The following COL28A1 variants were observed in gnomAD, a reference collection of about 807,000 sequenced individuals.
COL28A1 encodes the protein collagen alpha-1(XXVIII) chain.
In COL28A1, 161 loss-of-function variants were observed where a neutral mutation model predicts 150.2. The observed-to-expected ratio is 1.07, with a 90% confidence interval of 0.94 to 1.22. The LOEUF (loss-of-function observed/expected upper bound fraction) is 1.22, where lower values mean the gene tolerates loss of function less well. COL28A1 is among the 50% of genes most tolerant of loss of function. The probability of loss-of-function intolerance (pLI) is 0.00; values close to 1 mark genes in which losing one functional copy is unlikely to be tolerated. For missense variants in COL28A1, 1,617 were observed against 1,388.3 expected (o/e 1.16, Z -2.62); for synonymous variants, 552 against 469.7 (o/e 1.18, Z -2.26).
chr7:7,447,427 TTAA>T (rs1213914334), intron 18 of COL28A1, among the ~76,000 whole-genome samples: 9 of 151,094 alleles, frequency 6.0e-5, no homozygotes, highest in Admixed American at 2.0e-4. Context: ...AATATTAATA[TTAA>T]TAATAATATT....
Position 7,391,586 on chromosome 7 carries a change from C to G in COL28A1, c.2137-9974G>C, listed in dbSNP as rs185099174. Among the ~76,000 whole-genome samples the G allele has an allele frequency of 3.5e-3, 526 of 152,232 alleles. 3 individuals carry two copies. Among genetic ancestry groups the G allele is most frequent in the Admixed American group, 8.4e-3 (128 of 15,284 alleles). ...AATATTGACAGTGCTGTGTAAAAGT[C>G]TCCCACTATTATTGTGTGGGAATCT... On this transcript the variant is annotated intron_variant, in intron 27 of 34. Coordinates refer to ENST00000399429, the MANE Select transcript of COL28A1 (RefSeq NM_001037763.3).
At chr7:7,522,075 G>C (rs1471877397) in intron 4 of COL28A1, 114 bp from the exon 5 acceptor site, 5 of 731,968 alleles carry the variant, frequency 6.8e-6, no homozygotes, top group African/African-American at 5.2e-5. Flanking sequence ...ATTTCAAATA[G>C]CATTTCAAAT....
At chr7:7,402,373 T>G (rs190597122) in intron 27 of COL28A1, among the ~76,000 whole-genome samples, 1 of 152,240 alleles carries the variant, frequency 6.6e-6, no homozygotes, top group Non-Finnish European at 1.5e-5. Context: ...GTGTGTGGTA[T>G]ATGGATTCAA....
chr7:7,358,736 T>C lies in COL28A1; in HGVS notation c.3275A>G (p.Lys1092Arg). Residue 1092 changes from lysine (K) to arginine (R), a missense_variant, in exon 35 of 35, where the codon AAA (lysine) becomes AGA (arginine). Coordinates refer to ENST00000399429, the MANE Select transcript of COL28A1 (RefSeq NM_001037763.3). ...AAATCGGGCACAAGAGTTGACCTGT[T>C]TGTCATAATACCATCGAACCACATA... ...GEYVVRWYYD[K>R]QVNSCARFWF... 6.2e-7 allele frequency: 1 copy of C among 1,613,996 alleles called. No individual in the cohort carries two copies. Among genetic ancestry groups the C allele is most frequent in the African/African-American group, 1.3e-5 (1 of 75,002 alleles).
At position 7,442,444 on chromosome 7, in the gene COL28A1, C is replaced by T. The variant is rs367760198; in HGVS notation, c.1650+1141G>A. 1.8e-4 allele frequency among the ~76,000 whole-genome samples: 28 copies of T among 152,280 alleles called. No individual in the cohort carries two copies. The East Asian group carries it at 3.1e-3, about 17-fold the overall frequency. ...ACAATTCTCCTGAATGTTAGCAGAT[C>T]GGCATTTCTAAAAGTATATTTCACG... On this transcript the variant is annotated intron_variant, in intron 20 of 34. Transcript: ENST00000399429.
intron 3 of COL28A1, among the ~76,000 whole-genome samples, chr7:7,530,585 C>CA (rs1562926987): frequency 6.6e-6 from 1 of 152,122 alleles, no homozygotes; most frequent in Non-Finnish European, 1.5e-5. Flanking sequence ...TATCTCTAGG[C>CA]GTTTTCTCCT....
intron 3 of COL28A1, among the ~76,000 whole-genome samples, 177 bp downstream of exon 3, chr7:7,531,171 G>C (rs1205622937): frequency 1.3e-5 from 2 of 152,194 alleles, no homozygotes; most frequent in Non-Finnish European, 2.9e-5. Context: ...TTTCCAGATT[G>C]TCTGGAGTAA....
chr7:7,426,892 C>A (rs1784666598), intron 25 of COL28A1, among the ~76,000 whole-genome samples: 1 of 152,088 alleles, frequency 6.6e-6, no homozygotes, highest in Non-Finnish European at 1.5e-5. Context: ...TTGATACTGC[C>A]CCTTACGACA....
At chr7:7,406,019 T>C (rs1783471231) in intron 27 of COL28A1, among the ~76,000 whole-genome samples, 1 of 152,186 alleles carries the variant, frequency 6.6e-6, no homozygotes, top group Admixed American at 6.6e-5. Context: ...TTCACTTTTA[T>C]TGCATTCATT....
chr7:7,371,441 G>A (rs1481611315), intron 32 of COL28A1, among the ~76,000 whole-genome samples: 1 of 152,212 alleles, frequency 6.6e-6, no homozygotes, highest in African/African-American at 2.4e-5. Flanking sequence ...GAGAAGGTGA[G>A]AAATAGCAAA....
At chr7:7,446,475 C>T (rs1199580018) in intron 18 of COL28A1, among the ~76,000 whole-genome samples, 1 of 152,012 alleles carries the variant, frequency 6.6e-6, no homozygotes, top group East Asian at 1.9e-4. Context: ...TCTCTCTCTC[C>T]AAGATCACAA....
intron 15 of COL28A1, among the ~76,000 whole-genome samples, chr7:7,466,353 T>A (rs1254352764): frequency 6.8e-6 from 1 of 146,194 alleles, no homozygotes; most frequent in Non-Finnish European, 1.5e-5. Flanking sequence ...GAAAGGGTTA[T>A]CAGCAATGGA....
At chr7:7,505,512 T>C (rs1780759677) in intron 11 of COL28A1, among the ~76,000 whole-genome samples, 1 of 152,154 alleles carries the variant, frequency 6.6e-6, no homozygotes, top group South Asian at 2.1e-4. Flanking sequence ...CCCCTCCCTA[T>C]TTGTCTTGGC....
rs531268546 is a variant in COL28A1, at chr7:7,392,835, A to T, written c.2137-11223T>A. Among the ~76,000 whole-genome samples, 28 of 152,168 alleles carry T rather than the reference A, an allele frequency of 1.8e-4. 1 individual carries two copies. The highest frequency in any genetic ancestry group is 3.4e-3 in the Middle Eastern group (1 of 294). ...GTTTTTCAGCTCCATCAGGTCATTT[A>T]TGTTCTTCTCTAAGCTAGTTATTCT... On this transcript the variant is annotated intron_variant, in intron 27 of 34. Transcript: ENST00000399429.
At position 7,373,268 on chromosome 7, in the gene COL28A1, C is replaced by T; in HGVS notation, c.2638G>A (p.Ala880Thr). The T allele has an allele frequency of 6.2e-7, 1 of 1,614,202 alleles. No homozygotes were observed. Among genetic ancestry groups the T allele is most frequent in the South Asian group, 1.1e-5 (1 of 91,086 alleles). Residue 880 changes from alanine to threonine, a missense_variant, in exon 32 of 35, where the codon GCT (alanine) becomes ACT (threonine). Ala to Thr is a moderately conservative substitution (Grantham distance 58). Coordinates refer to ENST00000399429, the MANE Select transcript of COL28A1 (RefSeq NM_001037763.3). The surrounding 1 kb of genome is among the most constrained non-coding windows in gnomAD (Gnocchi z 4.1). Reference sequence around the variant, plus strand: ...AACATGTCGTTGGCTGCTTGCAGAGCAGTGGCTGTGTATGTGCCTTCCCCC... The same window carrying T: ...AACATGTCGTTGGCTGCTTGCAGAGTAGTGGCTGTGTATGTGCCTTCCCCC... ...YLGEGTYTAT[A>T]LQAANDMFED...
chr7:7,489,390 G>T lies in COL28A1; in HGVS notation c.1163C>A (p.Pro388Gln). 1 of 1,302,156 alleles carries T rather than the reference G, an allele frequency of 7.7e-7. No individual in the cohort carries two copies. The highest frequency in any genetic ancestry group is 1.1e-6 in the Non-Finnish European group (1 of 894,620). 80.7% of individuals were successfully genotyped at this position (1,302,156 alleles called of 1,614,324 possible). A position where few individuals can be genotyped will look rare whatever the true frequency, so the allele number is the denominator to read the frequency against. The stretch of plus-strand genomic sequence containing the variant: ...CCATCTAGAATTTTTGCTACTTACT[G>T]GCTGTCCAGGCTCACCAACTCCAAT... ...GPIGVGEPGQ[P>Q]GPRGPEGVPG... Residue 388 changes from proline (P) to glutamine (Q), a missense_variant and splice_region_variant, in exon 13 of 35, where the codon CCA (proline) becomes CAA (glutamine). Pro to Gln is a moderately conservative substitution (Grantham distance 76). Transcript: ENST00000399429.
At chr7:7,509,212 C>G (rs1429939248) in intron 9 of COL28A1, among the ~76,000 whole-genome samples, 1 of 152,022 alleles carries the variant, frequency 6.6e-6, no homozygotes, top group Non-Finnish European at 1.5e-5. Context: ...CTCACTGCAG[C>G]CTCAACCCCC....
intron 27 of COL28A1, among the ~76,000 whole-genome samples, chr7:7,403,204 G>C (rs1783312809): frequency 6.6e-6 from 1 of 152,082 alleles, no homozygotes; most frequent in Non-Finnish European, 1.5e-5. Flanking sequence ...CAAGAAGAGG[G>C]AACAGCACGT....
chr7:7,455,243 T>G (rs952090847), intron 16 of COL28A1, among the ~76,000 whole-genome samples: 3 of 152,226 alleles, frequency 2.0e-5, no homozygotes, highest in African/African-American at 7.2e-5. Context: ...CAGGAGATAT[T>G]TAGCATAAAA....
Sources: gnomAD v4.1 joint callset for allele counts (sites outside exome capture counted in the v4.1 genomes callset) on GRCh38, gnomAD v4.1.1 for gene constraint, Gnocchi (gnomAD v3.1) non-coding constraint, MANE v1.5 for transcripts, NCBI Gene and HGNC (gene_info 2026-07-23, HGNC 2026-07-21) for gene names.